Variants in MBNL2 observed in about 807,000 individuals in gnomAD.
The protein encoded by MBNL2 is muscleblind-like protein 2.
Under a neutral mutation model 41.9 loss-of-function variants are expected in MBNL2, and 17 were observed. That is an observed-to-expected ratio of 0.41 (90% CI 0.28 to 0.61). The LOEUF (loss-of-function observed/expected upper bound fraction) is 0.61. Among genes scored for constraint, MBNL2 ranks in the 20% least tolerant of loss-of-function variants. The pLI is 0.35. For synonymous variants in MBNL2, 195 were observed against 182.9 expected, an observed-to-expected ratio of 1.07 and a Z score of -0.53; for missense variants, 336 against 505.6, an observed-to-expected ratio of 0.66 and a Z score of 3.22.
chr13:97,208,827 T>C, the MBNL2 span, among the ~76,000 whole-genome samples: 2 of 152,224 alleles, frequency 1.3e-5, no homozygotes, highest in Non-Finnish European at 2.9e-5. Flanking sequence ...CAGCGGTACA[T>C]ATACTTCAAG....
At chr13:97,295,844 A>C (rs1280231680) in intron 2 of MBNL2, among the ~76,000 whole-genome samples, 2 of 152,216 alleles carry the variant, frequency 1.3e-5, no homozygotes, top group Non-Finnish European at 2.9e-5. Context: ...ATAAGTGACT[A>C]ATACCAGCAT....
At chr13:97,267,545 G>T (rs1391407878) in intron 1 of MBNL2, among the ~76,000 whole-genome samples, 2 of 152,144 alleles carry the variant, frequency 1.3e-5, no homozygotes, top group East Asian at 3.9e-4. Flanking sequence ...GAGAGGATGG[G>T]GCACTACAAA....
At chr13:97,358,149 G>C (rs2063134432) in intron 7 of MBNL2, among the ~76,000 whole-genome samples, 1 of 151,932 alleles carries the variant, frequency 6.6e-6, no homozygotes, top group African/African-American at 2.4e-5. Flanking sequence ...CAAGTATATA[G>C]AGCTCTTATC....
the MBNL2 span, among the ~76,000 whole-genome samples, chr13:97,184,675 G>A: frequency 6.6e-6 from 1 of 152,194 alleles, no homozygotes; most frequent in Non-Finnish European, 1.5e-5. Flanking sequence ...TAGGAACGGG[G>A]TTTTGCCATC....
intron 3 of MBNL2, among the ~76,000 whole-genome samples, chr13:97,338,015 C>T (rs150060060): frequency 6.6e-6 from 1 of 152,208 alleles, no homozygotes; most frequent in African/African-American, 2.4e-5. Context: ...TCAATATCCA[C>T]TCTTGCTTTA....
chr13:97,207,549 G>T, the MBNL2 span, among the ~76,000 whole-genome samples: 1 of 152,122 alleles, frequency 6.6e-6, no homozygotes, highest in African/African-American at 2.4e-5. Flanking sequence ...ACTGTCATGA[G>T]AACAGCACGG....
intron 7 of MBNL2, among the ~76,000 whole-genome samples, chr13:97,364,403 C>A (rs1344527352): frequency 6.6e-6 from 1 of 152,172 alleles, no homozygotes; most frequent in African/African-American, 2.4e-5. Context: ...TTGCCAGGCA[C>A]TACTCCTTTA....
At chr13:97,252,851 C>T (rs180878279) in intron 1 of MBNL2, among the ~76,000 whole-genome samples, 1 of 152,190 alleles carries the variant, frequency 6.6e-6, no homozygotes, top group Non-Finnish European at 1.5e-5. Flanking sequence ...TTTCCAGTAG[C>T]TATGCCATAT....
At chr13:97,193,404 C>T in the MBNL2 span, among the ~76,000 whole-genome samples, 1 of 152,154 alleles carries the variant, frequency 6.6e-6, no homozygotes, top group African/African-American at 2.4e-5. Flanking sequence ...TTGGTAGACA[C>T]TGGGCTGGAC....
the MBNL2 span, among the ~76,000 whole-genome samples, chr13:97,201,587 T>A: frequency 6.6e-6 from 1 of 152,228 alleles, no homozygotes; most frequent in East Asian, 1.9e-4. Context: ...TAGAAAGCTC[T>A]GTCTACTAAA....
At chr13:97,256,101 TAAA>T (rs924397118) in intron 1 of MBNL2, among the ~76,000 whole-genome samples, 3 of 152,086 alleles carry the variant, frequency 2.0e-5, no homozygotes, top group African/African-American at 7.2e-5. Context: ...TAAAAGGAGA[TAAA>T]AGAAGACAAA....
At chr13:97,203,021 T>G in the MBNL2 span, among the ~76,000 whole-genome samples, 9 of 152,196 alleles carry the variant, frequency 5.9e-5, no homozygotes, top group Admixed American at 6.5e-5. Context: ...CCTCTGAGCT[T>G]CTCTTTCTTC....
At chr13:97,184,206 A>G in the MBNL2 span, among the ~76,000 whole-genome samples, 2 of 152,232 alleles carry the variant, frequency 1.3e-5, no homozygotes, top group Non-Finnish European at 2.9e-5. Context: ...TACAAGATAT[A>G]GAGAGTATCA....
chr13:97,278,895 A>C (rs1168858358), intron 2 of MBNL2, among the ~76,000 whole-genome samples: 2 of 152,204 alleles, frequency 1.3e-5, no homozygotes, highest in Non-Finnish European at 2.9e-5. Context: ...GAGTCTAAAT[A>C]CCTGCTCAAC....
At chr13:97,189,151 C>A in the MBNL2 span, among the ~76,000 whole-genome samples, 1 of 152,152 alleles carries the variant, frequency 6.6e-6, no homozygotes, top group African/African-American at 2.4e-5. Context: ...ACCTCAGCCT[C>A]CCAAAATTCT....
chr13:97,335,764 G>A (rs544965654), intron 3 of MBNL2, among the ~76,000 whole-genome samples: 15 of 152,194 alleles, frequency 9.9e-5, no homozygotes, highest in South Asian at 2.1e-4. Context: ...GTAAGAATTC[G>A]CCCAGATTAA....
rs577489732 is a variant in MBNL2 at position 97,253,517 on chromosome 13, G to T, written c.-604-22115G>T. Among the ~76,000 whole-genome samples, 32 of 152,276 alleles carry T rather than the reference G, an allele frequency of 2.1e-4. 3 individuals carry two copies. The South Asian group carries it at 6.0e-3, about 29-fold the overall frequency. ...TTTGAGATAGACACACCTGTGGCAG[G>T]TGAGTAAAAACAAATATCACTTGTG... On this transcript the variant is annotated intron_variant, in intron 1 of 8. Transcript: ENST00000679496.
chr13:97,251,892 G>A (rs376161217), intron 1 of MBNL2, among the ~76,000 whole-genome samples: 2 of 134,576 alleles, frequency 1.5e-5, no homozygotes, highest in Admixed American at 8.0e-5. Flanking sequence ...CGCCCAGGCC[G>A]GACTGCGGAC....
the MBNL2 span, among the ~76,000 whole-genome samples, chr13:97,162,168 C>A: frequency 6.6e-6 from 1 of 152,074 alleles, no homozygotes; most frequent in Non-Finnish European, 1.5e-5. Context: ...GAGAATAGCA[C>A]CAAGGGAGAA....
Sources: gnomAD v4.1 joint callset for allele counts (sites outside exome capture counted in the v4.1 genomes callset) on GRCh38, gnomAD v4.1.1 for gene constraint, MANE v1.5 for transcripts, NCBI Gene and HGNC (gene_info 2026-07-23, HGNC 2026-07-21) for gene names.